Variants in CACNG6 observed in about 807,000 individuals in gnomAD.
CACNG6 encodes calcium voltage-gated channel auxiliary subunit gamma 6.
In CACNG6, 21 loss-of-function variants were observed where a neutral mutation model predicts 23.9. That is an observed-to-expected ratio of 0.88 (90% CI 0.62 to 1.26). CACNG6 has a LOEUF of 1.26. CACNG6 is among the 50% of genes most tolerant of loss of function. CACNG6 has a pLI of 0.00. For missense variants in CACNG6, 340 were observed against 352.9 expected (o/e 0.96, Z 0.29); for synonymous variants, 182 against 168.9 (o/e 1.08, Z -0.60).
intron 3 of CACNG6, among the ~76,000 whole-genome samples, chr19:54,004,495 G>A (rs2145962438): frequency 6.6e-6 from 1 of 152,160 alleles, no homozygotes; most frequent in South Asian, 2.1e-4. Flanking sequence ...TGGGATTACA[G>A]GTGTGAGCCA....
chr19:53,998,319 A>T lies in CACNG6; in HGVS notation c.406+6A>T. ...TCAGAGAACCACAAAGAAAGGTGAGAACTTTTCACCCCCTGCTGGGTGACA... is the reference window on the plus strand; with the variant it reads ...TCAGAGAACCACAAAGAAAGGTGAGTACTTTTCACCCCCTGCTGGGTGACA... On this transcript the variant is annotated splice_donor_region_variant and intron_variant, in intron 2 of 3. Transcript: ENST00000252729. 6.2e-7 allele frequency: 1 copy of T among 1,613,314 alleles called. No homozygotes were observed. Among genetic ancestry groups the T allele is most frequent in the Non-Finnish European group, 8.5e-7 (1 of 1,179,392 alleles).
chr19:54,001,704 A>G (rs2069577679), intron 3 of CACNG6, among the ~76,000 whole-genome samples: 1 of 152,236 alleles, frequency 6.6e-6, no homozygotes, highest in South Asian at 2.1e-4. Context: ...AAGTATGGAT[A>G]GACAAGCTGG....
At chr19:53,991,572 C>G (rs544647385), upstream of CACNG6, among the ~76,000 whole-genome samples, 3,249 of 63,864 alleles carry the variant, frequency 0.051, 131 homozygotes, top group African/African-American at 0.15. Context: ...GAAATAGCCC[C>G]GAGGGTGGAG....
At chr19:54,000,884 C>G (rs1056178944) in intron 3 of CACNG6, among the ~76,000 whole-genome samples, 3 of 152,098 alleles carry the variant, frequency 2.0e-5, no homozygotes, top group Non-Finnish European at 4.4e-5. Flanking sequence ...ACAGCTTCCC[C>G]CATTTTATAA....
chr19:53,992,944 GCGCACGGGCAGGGCAGGT>G lies in CACNG6; in HGVS notation c.70_87del (p.His24_Ser29del). The G allele has an allele frequency of 7.3e-7, 1 of 1,377,016 alleles. No individual in the cohort carries two copies. Among genetic ancestry groups the G allele is most frequent in the Non-Finnish European group, 9.4e-7 (1 of 1,067,576 alleles). The allele number at this position is 1,377,016 out of a possible 1,614,324, so 85.3% of individuals were successfully genotyped here. On this transcript the variant is annotated inframe_deletion, in exon 1 of 4. Coordinates refer to ENST00000252729, the MANE Select transcript of CACNG6 (RefSeq NM_145814.2). This position sits in a 1 kb window ranked among gnomAD's most constrained non-coding sequence, Gnocchi z 4.1. ...GCGGGGGGCCGCGGGCCGGCGGCGG[GCGCACGGGCAGGGCAGGT>G]CGGGGCTGACGCCCGAGCGCGAGGG...
In CACNG6 at chr19:54,011,190, T is replaced by TAAAAAAAAAAA. The variant is rs142489178; in HGVS notation, c.545-755_545-745dup. Among the ~76,000 whole-genome samples, 24 of 59,206 alleles carry TAAAAAAAAAAA rather than the reference T, an allele frequency of 4.1e-4. 4 individuals carry two copies. The highest frequency in any genetic ancestry group is 9.6e-4 in the African/African-American group (10 of 10,460). The allele number at this position is 59,206 out of a possible 152,430, so 38.8% of individuals were successfully genotyped here. On this transcript the variant is annotated intron_variant, in intron 3 of 3. Coordinates refer to ENST00000252729, the MANE Select transcript of CACNG6 (RefSeq NM_145814.2). ...CAACATGGTGAAACCCCGTCTCTAC[T>TAAAAAAAAAAA]AAAAAAAAAAAAAAAATATATATAT... is the stretch of plus-strand genomic sequence containing the variant.
At chr19:54,007,011 C>T (rs755396899) in intron 3 of CACNG6, among the ~76,000 whole-genome samples, 9 of 151,546 alleles carry the variant, frequency 5.9e-5, no homozygotes, top group African/African-American at 1.2e-4. Flanking sequence ...CTGATGACTT[C>T]GCTTTAACTT....
chr19:53,996,832 A>C (rs960667119), intron 1 of CACNG6, among the ~76,000 whole-genome samples: 10 of 147,304 alleles, frequency 6.8e-5, no homozygotes, highest in Admixed American at 5.4e-4. Flanking sequence ...CATAAATGAG[A>C]TCATGCTATT....
In CACNG6 at chr19:54,011,205, AATATATAT is replaced by A. The variant is rs1555819785; in HGVS notation, c.545-730_545-723del. Among the ~76,000 whole-genome samples the A allele has an allele frequency of 3.3e-4, 34 of 102,508 alleles. 1 individual carries two copies. Among genetic ancestry groups the A allele is most frequent in the African/African-American group, 1.5e-3 (31 of 20,224 alleles). The allele number at this position is 102,508 out of a possible 152,430, so 67.2% of individuals were successfully genotyped here. A position where few individuals can be genotyped will look rare whatever the true frequency, so the allele number is the denominator to read the frequency against. On this transcript the variant is annotated intron_variant, in intron 3 of 3. Transcript: ENST00000252729. ...CCGTCTCTACTAAAAAAAAAAAAAA[AATATATAT>A]ATATATATATATATACACACACACA...
At position 53,992,816 on chromosome 19, in the gene CACNG6, C is replaced by T; in HGVS notation, c.-62C>T. On this transcript the variant is annotated 5_prime_UTR_variant, in exon 1 of 4. Coordinates refer to ENST00000252729, the MANE Select transcript of CACNG6 (RefSeq NM_145814.2). This position sits in a 1 kb window ranked among gnomAD's most constrained non-coding sequence, Gnocchi z 4.1. ...AAGACCCCAGGCCGCTCCTCGCTCC[C>T]GCCCCTCGAGGCCCTTCGCCGGCTC... is the stretch of plus-strand genomic sequence containing the variant. The T allele has an allele frequency of 8.2e-7, 1 of 1,213,868 alleles. No homozygotes were observed. The highest frequency in any genetic ancestry group is 1.1e-6 in the Non-Finnish European group (1 of 924,236). The allele number at this position is 1,213,868 out of a possible 1,614,324, so 75.2% of individuals were successfully genotyped here. A position where few individuals can be genotyped will look rare whatever the true frequency, so the allele number is the denominator to read the frequency against.
At chr19:53,999,572 G>A in intron 2 of CACNG6, 62 bp from the exon 3 acceptor site, 1 of 1,574,532 alleles carries the variant, frequency 6.4e-7, no homozygotes, top group Non-Finnish European at 8.6e-7. Flanking sequence ...GTTCCTATGG[G>A]TGAATCCTCC....
chr19:54,011,605 T>C (rs1272148865), intron 3 of CACNG6, among the ~76,000 whole-genome samples: 2 of 152,106 alleles, frequency 1.3e-5, no homozygotes, highest in East Asian at 3.9e-4. Flanking sequence ...TCCGTTCACA[T>C]TGTTATGCAA....
intron 2 of CACNG6, 38 bp downstream of exon 2, chr19:53,998,351 G>A: frequency 1.3e-6 from 2 of 1,581,142 alleles, no homozygotes; most frequent in East Asian, 2.2e-5. Flanking sequence ...GACAGGTGGG[G>A]GAAATGCTGA....
At position 53,992,909 on chromosome 19, in the gene CACNG6, A is replaced by G; in HGVS notation, c.32A>G (p.Glu11Gly). 7.1e-7 allele frequency: 1 copy of G among 1,406,532 alleles called. No homozygotes were observed. Among genetic ancestry groups the G allele is most frequent in the South Asian group, 1.9e-5 (1 of 52,540 alleles). The allele number at this position is 1,406,532 out of a possible 1,614,324, so 87.1% of individuals were successfully genotyped here. MMWSNFFLQE[E>G]NRRRGAAGRR... The stretch of plus-strand genomic sequence containing the variant: ...TGGTCCAACTTCTTCCTGCAAGAGG[A>G]GAACCGGCGGCGGGGGGCCGCGGGC... The change falls in exon 1 of 4, where the codon GAG becomes GGG. Residue 11 changes from glutamate to glycine, a missense_variant. Coordinates refer to ENST00000252729, the MANE Select transcript of CACNG6 (RefSeq NM_145814.2). The surrounding 1 kb of genome is among the most constrained non-coding windows in gnomAD (Gnocchi z 4.1).
intron 3 of CACNG6, among the ~76,000 whole-genome samples, chr19:54,005,871 C>T (rs1157744034): frequency 6.6e-6 from 1 of 151,688 alleles, no homozygotes; most frequent in African/African-American, 2.4e-5. Flanking sequence ...TGGCAGATCA[C>T]TTAAGGCCAG....
At chr19:53,995,627 C>T (rs1253231043) in intron 1 of CACNG6, among the ~76,000 whole-genome samples, 1 of 152,230 alleles carries the variant, frequency 6.6e-6, no homozygotes, top group Non-Finnish European at 1.5e-5. Flanking sequence ...CTTCAAAGAG[C>T]ACCTGCACCC....
chr19:54,012,097 C>T lies in CACNG6; in HGVS notation c.691C>T (p.Leu231=). ...CTGCGGCGTGGGGGCCGGCCTGATC[C>T]TGCTGTTGGGGGCCGGCTGCTTTCT... is the stretch of plus-strand genomic sequence containing the variant. ...LGCGVGAGLI[L]LLGAGCFLLL... is the part of the protein sequence containing the mutation. The change falls in exon 4 of 4, where the codon CTG becomes TTG. Residue 231 remains leucine, a synonymous_variant. Transcript: ENST00000252729. 1 of 1,579,194 alleles carries T rather than the reference C, an allele frequency of 6.3e-7. No individual in the cohort carries two copies. Among genetic ancestry groups the T allele is most frequent in the South Asian group, 1.2e-5 (1 of 86,896 alleles).
At position 53,999,486 on chromosome 19, in the gene CACNG6, G is replaced by A. The variant is rs192921512; in HGVS notation, c.407-148G>A. ...AGTCTTAATTCCTTCAACAGTGTAAGTAAAATGTTGGGCTGGATGATACTC... is the reference window on the plus strand; with the variant it reads ...AGTCTTAATTCCTTCAACAGTGTAAATAAAATGTTGGGCTGGATGATACTC... On this transcript the variant is annotated intron_variant, in intron 2 of 3. Coordinates refer to ENST00000252729, the MANE Select transcript of CACNG6 (RefSeq NM_145814.2). 2.3e-3 allele frequency: 2,000 copies of A among 879,672 alleles called. 5 individuals are homozygous for A. The highest frequency in any genetic ancestry group is 3.5e-3 in the South Asian group (215 of 61,198). 54.5% of individuals were successfully genotyped at this position (879,672 alleles called of 1,614,324 possible).
rs370599460 is a variant in CACNG6, at chr19:53,999,617, C to T, written c.407-17C>T. On this transcript the variant is annotated splice_polypyrimidine_tract_variant and intron_variant, in intron 2 of 3. Transcript: ENST00000252729. ...ACATCCCATGTTCTCTGCTTCTTTC[C>T]TCTCTCCTGCTGGCAGAGGTGAATC... The T allele has an allele frequency of 6.2e-7, 1 of 1,611,700 alleles. No individual in the cohort carries two copies. Among genetic ancestry groups the T allele is most frequent in the Non-Finnish European group, 8.5e-7 (1 of 1,179,660 alleles).
Sources: allele counts gnomAD v4.1 joint callset (sites outside exome capture counted in the v4.1 genomes callset), GRCh38; gene constraint gnomAD v4.1.1; non-coding constraint Gnocchi (gnomAD v3.1); transcripts MANE v1.5; gene names NCBI Gene and HGNC (gene_info 2026-07-23, HGNC 2026-07-21).